The following DNAH11 variants were observed in gnomAD, a reference collection of about 807,000 sequenced individuals.
DNAH11 encodes dynein axonemal heavy chain 11.
DNAH11 carries 442 observed loss-of-function variants against 526.0 expected under a neutral mutation model. That is an observed-to-expected ratio of 0.84 (90% CI 0.78 to 0.91). DNAH11 has a LOEUF of 0.91. Among genes scored for constraint, DNAH11 ranks in the 40% least tolerant of loss-of-function variants. The pLI, the probability that DNAH11 is intolerant of heterozygous loss-of-function variation, is 0.00. For missense variants in DNAH11, 6,989 were observed against 5,448.7 expected (o/e 1.28, Z -8.90); for synonymous variants, 2,461 against 1,935.9 (o/e 1.27, Z -7.12).
intron 30 of DNAH11, among the ~76,000 whole-genome samples, chr7:21,673,466 A>G (rs1425469945): frequency 1.3e-5 from 2 of 152,190 alleles, no homozygotes; most frequent in Non-Finnish European, 2.9e-5. Context: ...AAGAGGAACT[A>G]GAGCAATGGC....
chr7:21,638,545 A>G (rs1320764019), intron 27 of DNAH11, among the ~76,000 whole-genome samples: 1 of 152,192 alleles, frequency 6.6e-6, no homozygotes, highest in Non-Finnish European at 1.5e-5. Flanking sequence ...AGAAGGCTGT[A>G]AACGAATTAC....
At position 21,781,558 on chromosome 7, in the gene DNAH11, G is replaced by A. The variant is rs899004398; in HGVS notation, c.9483+2454G>A. 4.6e-5 allele frequency among the ~76,000 whole-genome samples: 7 copies of A among 152,254 alleles called. No individual in the cohort carries two copies. The East Asian group carries it at 5.8e-4, about 13-fold the overall frequency. ...AGTGTAAACCTTTATGAGTAGAGGC[G>A]CCTTCTAAATTGAAGCGCTAATATC... On this transcript the variant is annotated intron_variant, in intron 57 of 81. Coordinates refer to ENST00000409508, the MANE Select transcript of DNAH11 (RefSeq NM_001277115.2).
chr7:21,613,695 AGT>A (rs1228350286), intron 20 of DNAH11, among the ~76,000 whole-genome samples: 3 of 152,234 alleles, frequency 2.0e-5, no homozygotes, highest in African/African-American at 4.8e-5. Context: ...CACCACAAAA[AGT>A]GTGAGATGAT....
At chr7:21,830,702 G>C (rs919248412) in intron 65 of DNAH11, among the ~76,000 whole-genome samples, 1 of 152,032 alleles carries the variant, frequency 6.6e-6, no homozygotes, top group Non-Finnish European at 1.5e-5. Context: ...TCAGTTGAGT[G>C]ATCTCTAGTG....
chr7:21,589,424 G>T lies in DNAH11; in HGVS notation c.2169+21G>T, dbSNP rs759181076. On this transcript the variant is annotated intron_variant, in intron 12 of 81. Transcript: ENST00000409508. ...CAAAGGTAGGGATTTGATTTTTTAAGATGATTTATAAGTGCCCTTTTTATT... is the reference window on the plus strand; with the variant it reads ...CAAAGGTAGGGATTTGATTTTTTAATATGATTTATAAGTGCCCTTTTTATT... 3.8e-6 allele frequency: 6 copies of T among 1,577,136 alleles called. No individual in the cohort carries two copies. In the African/African-American group the frequency reaches 5.5e-5, roughly 14 times the overall value.
In DNAH11 at chr7:21,590,860, T is replaced by G. The variant is rs570657039; in HGVS notation, c.2170-58T>G. 4.8e-5 allele frequency: 51 copies of G among 1,062,692 alleles called. No individual in the cohort carries two copies. In the East Asian group the frequency reaches 1.6e-3, roughly 33 times the overall value. The allele number at this position is 1,062,692 out of a possible 1,614,324, so 65.8% of individuals were successfully genotyped here. ...TTAAGTATTTCAAGTTAAACTTGAG[T>G]TAAAATAGAATGACATTATGAAAAT... On this transcript the variant is annotated intron_variant, in intron 12 of 81. Transcript: ENST00000409508.
chr7:21,592,126 C>T (rs1784710740), intron 14 of DNAH11, among the ~76,000 whole-genome samples: 1 of 152,192 alleles, frequency 6.6e-6, no homozygotes, highest in East Asian at 1.9e-4. Flanking sequence ...CACAATGCTC[C>T]CCTGCCAACC....
intron 65 of DNAH11, among the ~76,000 whole-genome samples, chr7:21,827,156 G>A (rs1277475805): frequency 1.3e-5 from 2 of 152,192 alleles, no homozygotes; most frequent in Non-Finnish European, 2.9e-5. Flanking sequence ...GGCCCACACA[G>A]TAGATACCAC....
chr7:21,662,937 A>G (rs1782291798), intron 30 of DNAH11, among the ~76,000 whole-genome samples: 1 of 152,022 alleles, frequency 6.6e-6, no homozygotes, highest in African/African-American at 2.4e-5. Context: ...CATCTGAACA[A>G]TGTATAGTGT....
intron 76 of DNAH11, among the ~76,000 whole-genome samples, chr7:21,890,393 G>A (rs889953437): frequency 1.3e-5 from 2 of 152,186 alleles, no homozygotes; most frequent in Non-Finnish European, 2.9e-5. Flanking sequence ...ACATGAGCAC[G>A]CATTCAAACA....
chr7:21,831,902 C>T (rs1475501050), intron 65 of DNAH11, among the ~76,000 whole-genome samples: 3 of 152,138 alleles, frequency 2.0e-5, no homozygotes, highest in African/African-American at 2.4e-5. Context: ...CCAGCTTGAC[C>T]AGCAAGGTGA....
chr7:21,901,328 A>G lies in DNAH11; in HGVS notation c.*74A>G. 6.8e-7 allele frequency: 1 copy of G among 1,473,340 alleles called. No homozygotes were observed. Among genetic ancestry groups the G allele is most frequent in the Non-Finnish European group, 9.0e-7 (1 of 1,110,818 alleles). The allele number at this position is 1,473,340 out of a possible 1,614,324, so 91.3% of individuals were successfully genotyped here. On this transcript the variant is annotated 3_prime_UTR_variant, in exon 82 of 82. Transcript: ENST00000409508. Reference sequence around the variant, plus strand: ...TCTAGCATGTTGCTGCACTGTTCCCATGCACATTATTCTAACTTTTTAGTA... The same window carrying G: ...TCTAGCATGTTGCTGCACTGTTCCCGTGCACATTATTCTAACTTTTTAGTA...
chr7:21,720,599 T>C, intron 43 of DNAH11, 126 bp from the exon 44 acceptor site: 1 of 1,087,092 alleles, frequency 9.2e-7, no homozygotes, highest in Non-Finnish European at 1.3e-6. Flanking sequence ...TCTCTCCCAA[T>C]GTAGCAAATC....
intron 14 of DNAH11, among the ~76,000 whole-genome samples, chr7:21,596,646 A>C (rs1471465759): frequency 2.6e-5 from 4 of 152,234 alleles, no homozygotes; most frequent in Non-Finnish European, 5.9e-5. Flanking sequence ...ATGAATCCTG[A>C]TGAAAATGCA....
chr7:21,759,523 T>C (rs1786802702), intron 54 of DNAH11, among the ~76,000 whole-genome samples: 1 of 152,212 alleles, frequency 6.6e-6, no homozygotes, highest in Non-Finnish European at 1.5e-5. Context: ...TTTTCTGCAC[T>C]AAACCTCCAT....
chr7:21,571,129 A>G (rs1417861758), intron 7 of DNAH11, among the ~76,000 whole-genome samples: 1 of 152,194 alleles, frequency 6.6e-6, no homozygotes, highest in East Asian at 1.9e-4. Flanking sequence ...CTCGCTTTCA[A>G]TAAAGCAGAC....
intron 20 of DNAH11, among the ~76,000 whole-genome samples, chr7:21,609,212 G>A (rs992440868): frequency 7.3e-5 from 11 of 151,454 alleles, no homozygotes; most frequent in Admixed American, 2.6e-4. Flanking sequence ...TTTTCCTTTC[G>A]TTTTTCTTTT....
chr7:21,773,741 T>C, intron 55 of DNAH11, 25 bp from the exon 56 acceptor site: 1 of 1,376,824 alleles, frequency 7.3e-7, no homozygotes, highest in Non-Finnish European at 9.7e-7. Context: ...GGATTTCACA[T>C]GAACTGTAAT....
At position 21,839,914 on chromosome 7, in the gene DNAH11, A is replaced by C. The variant is rs201839724; in HGVS notation, c.10692-2630A>C. 2.6e-5 allele frequency among the ~76,000 whole-genome samples: 4 copies of C among 152,344 alleles called. No individual in the cohort carries two copies. In the East Asian group the frequency reaches 7.7e-4, roughly 29 times the overall value. On this transcript the variant is annotated intron_variant, in intron 65 of 81. Transcript: ENST00000409508. ...TCATAAGTCTGATCAGTCCTTTGGG[A>C]TTTTAAATTCATATTCAGGCAACAA... is the stretch of plus-strand genomic sequence containing the variant.
Sources: allele counts gnomAD v4.1 joint callset (sites outside exome capture counted in the v4.1 genomes callset), GRCh38; gene constraint gnomAD v4.1.1; transcripts MANE v1.5; gene names NCBI Gene and HGNC (gene_info 2026-07-23, HGNC 2026-07-21).